The following TNKS variants were observed in gnomAD, a reference collection of about 807,000 sequenced individuals.
TNKS encodes poly [ADP-ribose] polymerase tankyrase-1.
Under a neutral mutation model 135.8 loss-of-function variants are expected in TNKS, and 72 were observed. The ratio of observed to expected loss-of-function variants is 0.53; its 90% CI spans 0.44 to 0.64. TNKS has a LOEUF of 0.64. Among genes scored for constraint, TNKS ranks in the 30% least tolerant of loss-of-function variants. The pLI, the probability that TNKS is intolerant of heterozygous loss-of-function variation, is 0.00. For synonymous variants in TNKS, 849 were observed against 649.3 expected (o/e 1.31, Z -4.68); for missense variants, 1,769 against 1,674.0 (o/e 1.06, Z -0.99).
chr8:9,575,843 C>T (rs531047915), intron 1 of TNKS, among the ~76,000 whole-genome samples: 1 of 152,274 alleles, frequency 6.6e-6, no homozygotes, highest in South Asian at 2.1e-4. Flanking sequence ...GACTTAAAGC[C>T]TAAGGACATT....
At chr8:9,716,029 C>T (rs1451731814) in intron 11 of TNKS, among the ~76,000 whole-genome samples, 3 of 152,100 alleles carry the variant, frequency 2.0e-5, no homozygotes, top group Non-Finnish European at 4.4e-5. Context: ...TGCATTTCTT[C>T]ATATATAAAG....
chr8:9,583,640 C>T (rs1798255387), intron 2 of TNKS, among the ~76,000 whole-genome samples: 1 of 151,842 alleles, frequency 6.6e-6, no homozygotes, highest in Non-Finnish European at 1.5e-5. Context: ...AGGCGCATGC[C>T]ACCATTCCCA....
intron 22 of TNKS, 63 bp from the exon 23 acceptor site, chr8:9,764,653 C>T (rs75843339): frequency 2.3e-6 from 3 of 1,280,972 alleles, no homozygotes; most frequent in Non-Finnish European, 3.3e-6. Flanking sequence ...GAATTTTAGA[C>T]TCATCATTGT....
intron 3 of TNKS, among the ~76,000 whole-genome samples, chr8:9,647,267 G>T (rs961656649): frequency 9.9e-5 from 15 of 152,188 alleles, no homozygotes; most frequent in African/African-American, 3.4e-4. Context: ...GCCTCTATTT[G>T]GTATCTGTTT....
intron 1 of TNKS, among the ~76,000 whole-genome samples, chr8:9,564,657 A>G (rs988991851): frequency 2.0e-5 from 3 of 152,156 alleles, no homozygotes; most frequent in African/African-American, 7.2e-5. Flanking sequence ...ATTTTTCCCC[A>G]TGTCATTGTC....
chr8:9,586,053 C>A (rs74437395), intron 2 of TNKS, among the ~76,000 whole-genome samples: 11 of 151,942 alleles, frequency 7.2e-5, no homozygotes, highest in African/African-American at 2.2e-4. Flanking sequence ...TGTACAATAG[C>A]TGTATATTTT....
chr8:9,726,031 C>G (rs968772007), intron 12 of TNKS, among the ~76,000 whole-genome samples: 1 of 152,154 alleles, frequency 6.6e-6, no homozygotes, highest in Admixed American at 6.5e-5. Flanking sequence ...TTTAGTAGCC[C>G]TTTTCTGTTC....
intron 11 of TNKS, among the ~76,000 whole-genome samples, chr8:9,719,591 C>T (rs906440530): frequency 5.3e-5 from 8 of 152,158 alleles, no homozygotes; most frequent in Admixed American, 3.3e-4. Flanking sequence ...CTTATCTACA[C>T]TGGATCTCAG....
chr8:9,574,886 C>G lies in TNKS; in HGVS notation c.674-5273C>G, dbSNP rs78016541. 263 of 249,022 alleles carry G rather than the reference C, an allele frequency of 1.1e-3. 2 individuals are homozygous for G. The highest frequency in any genetic ancestry group is 5.5e-3 in the African/African-American group (240 of 43,312). The allele number at this position is 249,022 out of a possible 1,614,324, so 15.4% of individuals were successfully genotyped here. A position where few individuals can be genotyped will look rare whatever the true frequency, so the allele number is the denominator to read the frequency against. On this transcript the variant is annotated intron_variant, in intron 1 of 26. Transcript: ENST00000310430. ...GAAAGCTCCCCCGCGCCCCCCTTTA[C>G]TCACTCTCCCTTCTTGTCTGAGAAC... is the stretch of plus-strand genomic sequence containing the variant.
In TNKS at chr8:9,726,862, A is replaced by G. The variant is rs1001542801; in HGVS notation, c.2001+142A>G. ...ATGGGCAGGAAAAATCTGTACTACT[A>G]TTAAGGAATTCCCAGTATGTGCCTT... On this transcript the variant is annotated intron_variant, in intron 13 of 26. Coordinates refer to ENST00000310430, the MANE Select transcript of TNKS (RefSeq NM_003747.3). The G allele has an allele frequency of 1.3e-5, 9 of 670,734 alleles. No homozygotes were observed. In the East Asian group the frequency reaches 1.5e-4, roughly 11 times the overall value. 41.5% of individuals were successfully genotyped at this position (670,734 alleles called of 1,614,324 possible).
At chr8:9,716,688 G>T (rs1371334073) in intron 11 of TNKS, among the ~76,000 whole-genome samples, 2 of 151,956 alleles carry the variant, frequency 1.3e-5, no homozygotes, top group South Asian at 2.1e-4. Context: ...CCCCTCTTCT[G>T]TGTCTCCGTC....
intron 3 of TNKS, among the ~76,000 whole-genome samples, chr8:9,654,814 C>T (rs1449296540): frequency 6.6e-6 from 1 of 152,290 alleles, no homozygotes; most frequent in Admixed American, 6.5e-5. Flanking sequence ...CAGCTCCCAG[C>T]GTGAGCGACA....
At chr8:9,661,642 C>A (rs951993481) in intron 3 of TNKS, among the ~76,000 whole-genome samples, 5 of 152,146 alleles carry the variant, frequency 3.3e-5, no homozygotes, top group Admixed American at 1.3e-4. Flanking sequence ...TAGAAGAAAA[C>A]CTAGGCAATA....
In TNKS at chr8:9,556,439, C is replaced by T; in HGVS notation, c.500C>T (p.Pro167Leu). The change falls in exon 1 of 27, where the codon CCT becomes CTT. Residue 167 changes from proline (P) to leucine (L), a missense_variant. Physicochemically the swap from Pro to Leu is moderately conservative, Grantham distance 98. This residue lies in a region of TNKS where 450 missense variants were observed against 304.9 expected (regional missense o/e 1.48). Transcript: ENST00000310430. ...GTTAGCAGCACAGCACCACTGGGGC[C>T]TGGGGCAGCAGGACCTGGGACAGGG... is the stretch of plus-strand genomic sequence containing the variant. ...AGVSSTAPLG[P>L]GAAGPGTGVP... The T allele has an allele frequency of 1.2e-6, 2 of 1,614,118 alleles. No individual in the cohort carries two copies. Among genetic ancestry groups the T allele is most frequent in the Non-Finnish European group, 1.7e-6 (2 of 1,180,030 alleles).
At position 9,729,771 on chromosome 8, in the gene TNKS, C is replaced by CTTTTT. The variant is rs763357075; in HGVS notation, c.2002-1102_2002-1098dup. Among the ~76,000 whole-genome samples the CTTTTT allele has an allele frequency of 2.5e-3, 233 of 94,986 alleles. 4 individuals carry two copies. The highest frequency in any genetic ancestry group is 0.011 in the Middle Eastern group (1 of 90). 62.3% of individuals were successfully genotyped at this position (94,986 alleles called of 152,430 possible). On this transcript the variant is annotated intron_variant, in intron 13 of 26. Coordinates refer to ENST00000310430, the MANE Select transcript of TNKS (RefSeq NM_003747.3). Reference sequence around the variant, plus strand: ...TTCCTCACTGAAAGAATATGATATTCTTTTTTTTTTTTTTTTTTTTTGAGA... The same window carrying CTTTTT: ...TTCCTCACTGAAAGAATATGATATTCTTTTTTTTTTTTTTTTTTTTTTTTTTGAGA...
chr8:9,768,719 C>G (rs1386972579), intron 25 of TNKS, among the ~76,000 whole-genome samples: 1 of 152,214 alleles, frequency 6.6e-6, no homozygotes, highest in African/African-American at 2.4e-5. Context: ...CAGAATCTAA[C>G]GACAACATAG....
intron 3 of TNKS, among the ~76,000 whole-genome samples, chr8:9,656,748 C>G (rs1243461820): frequency 6.6e-6 from 1 of 151,076 alleles, no homozygotes; most frequent in Non-Finnish European, 1.5e-5. Flanking sequence ...TCTGGTTTTC[C>G]TAGGCAGAGG....
At chr8:9,638,443 G>C (rs921940425) in intron 3 of TNKS, among the ~76,000 whole-genome samples, 1 of 152,142 alleles carries the variant, frequency 6.6e-6, no homozygotes, top group East Asian at 1.9e-4. Context: ...GTTTTCTGGA[G>C]AAGAAAACAG....
intron 3 of TNKS, among the ~76,000 whole-genome samples, chr8:9,634,534 T>C (rs991854276): frequency 6.6e-6 from 1 of 152,238 alleles, no homozygotes; most frequent in African/African-American, 2.4e-5. Context: ...AACTATTTTA[T>C]GTATGTTGTA....
Sources: allele counts gnomAD v4.1 joint callset (sites outside exome capture counted in the v4.1 genomes callset), GRCh38; gene constraint gnomAD v4.1.1; regional missense constraint gnomAD v4.1.1; transcripts MANE v1.5; gene names NCBI Gene and HGNC (gene_info 2026-07-23, HGNC 2026-07-21).